R3HDM4: variants seen among roughly 807,000 people sequenced by gnomAD.
The protein encoded by R3HDM4 is R3H domain-containing protein 4.
R3HDM4 carries 30 observed loss-of-function variants against 31.3 expected under a neutral mutation model. That is an observed-to-expected ratio of 0.96 (90% CI 0.72 to 1.30). R3HDM4 has a LOEUF of 1.30. Ranked by LOEUF, R3HDM4 falls within the 50% of genes most tolerant of loss-of-function variation. The probability of loss-of-function intolerance (pLI) is 0.00; values close to 1 mark genes in which losing one functional copy is unlikely to be tolerated. For synonymous variants in R3HDM4, 196 were observed against 156.6 expected, an observed-to-expected ratio of 1.25 and a Z score of -1.88; for missense variants, 444 against 366.1, an observed-to-expected ratio of 1.21 and a Z score of -1.74.
chr19:904,080 C>G (rs932093896), intron 1 of R3HDM4, among the ~76,000 whole-genome samples: 2 of 152,094 alleles, frequency 1.3e-5, no homozygotes, highest in African/African-American at 2.4e-5. Flanking sequence ...AACCGTAATG[C>G]TAGCTCCACT....
intron 1 of R3HDM4, among the ~76,000 whole-genome samples, chr19:910,269 G>A (rs1301911451): frequency 1.3e-5 from 2 of 151,898 alleles, no homozygotes; most frequent in Admixed American, 6.6e-5. Flanking sequence ...AGGTTGCAGT[G>A]AGCCGAGATC....
In R3HDM4 at chr19:899,698, G is replaced by C. The variant is rs749428826; in HGVS notation, c.562-12C>G. ...GTCTCCAGCGTTTCCTGGGGAGAGC[G>C]GCCCGGTGGTCAGGGAACTGCGGGA... On this transcript the variant is annotated splice_polypyrimidine_tract_variant and intron_variant, in intron 5 of 7. Coordinates refer to ENST00000361574, the MANE Select transcript of R3HDM4 (RefSeq NM_138774.4). The surrounding 1 kb of genome is among the most constrained non-coding windows in gnomAD (Gnocchi z 6.8). 5.1e-6 allele frequency: 8 copies of C among 1,558,784 alleles called. No individual in the cohort carries two copies. In the African/African-American group the frequency reaches 6.9e-5, roughly 13 times the overall value.
At chr19:905,079 G>GCA (rs2036885332) in intron 1 of R3HDM4, among the ~76,000 whole-genome samples, 1 of 152,094 alleles carries the variant, frequency 6.6e-6, no homozygotes, top group African/African-American at 2.4e-5. Flanking sequence ...GTGGTGGCAT[G>GCA]CACCTGTAAT....
Position 900,041 on chromosome 19 carries a change from C to A in R3HDM4, c.561+20G>T, listed in dbSNP as rs754211163. On this transcript the variant is annotated intron_variant, in intron 5 of 7. Transcript: ENST00000361574. Reference sequence around the variant, plus strand: ...AGACCAGGCAGGTAGAAAAGGGAGGCCCGGCAATCCCCCACTCACCATGGG... The same window carrying A: ...AGACCAGGCAGGTAGAAAAGGGAGGACCGGCAATCCCCCACTCACCATGGG... 1.7e-5 allele frequency: 27 copies of A among 1,609,800 alleles called. No individual in the cohort carries two copies. The South Asian group carries it at 2.3e-4, about 14-fold the overall frequency.
intron 1 of R3HDM4, among the ~76,000 whole-genome samples, chr19:909,723 G>A (rs979283287): frequency 1.2e-4 from 18 of 152,068 alleles, no homozygotes; most frequent in African/African-American, 4.3e-4. Context: ...TTGAACCTGG[G>A]AGGCAAAGGT....
chr19:900,355 C>T (rs1196413051), intron 4 of R3HDM4, among the ~76,000 whole-genome samples: 10 of 151,934 alleles, frequency 6.6e-5, no homozygotes, highest in Admixed American at 6.6e-4. Flanking sequence ...CCAGCTGACC[C>T]TACCCTCACC....
At chr19:901,153 G>C (rs111766511) in intron 3 of R3HDM4, 12 of 710,292 alleles carry the variant, frequency 1.7e-5, no homozygotes, top group South Asian at 4.0e-5. Flanking sequence ...AGCTGTCTCG[G>C]GGTGGGGGGG....
At position 901,542 on chromosome 19, in the gene R3HDM4, C is replaced by G. The variant is rs772940651; in HGVS notation, c.231G>C (p.Gln77His). 2.5e-6 allele frequency: 4 copies of G among 1,604,706 alleles called. No individual in the cohort carries two copies. In the South Asian group the frequency reaches 4.4e-5, roughly 18 times the overall value. Residue 77 changes from glutamine (Q) to histidine (H), a missense_variant, in exon 3 of 8, where the codon CAG (glutamine) becomes CAC (histidine). Coordinates refer to ENST00000361574, the MANE Select transcript of R3HDM4 (RefSeq NM_138774.4). ...CTGTCTCCAGCAGGGTCAGGAGGTA[C>G]TGGGCTAGGTGGAAACAGATGCTCT... ...RKSLQRLENT[Q>H]YLLTLLETDG...
intron 7 of R3HDM4, among the ~76,000 whole-genome samples, chr19:898,218 C>A (rs1403650984): frequency 1.2e-5 from 1 of 86,640 alleles, no homozygotes. Context: ...CCTGTCTCTA[C>A]TAAAAAAAAA....
intron 1 of R3HDM4, among the ~76,000 whole-genome samples, chr19:910,634 A>G (rs1219854827): frequency 6.6e-6 from 1 of 151,894 alleles, no homozygotes; most frequent in Admixed American, 6.6e-5. Flanking sequence ...ACAAAAAAAA[A>G]GCATCCTCTG....
chr19:901,053 G>C (rs949816822), intron 3 of R3HDM4, 101 bp from the exon 4 acceptor site: 6 of 1,390,110 alleles, frequency 4.3e-6, no homozygotes, highest in Non-Finnish European at 5.8e-6. Flanking sequence ...ACGTGGACGC[G>C]CTCCTGCGGT....
At position 902,078 on chromosome 19, in the gene R3HDM4, A is replaced by G; in HGVS notation, c.124T>C (p.Ser42Pro). ...ALASSQVKRL[S>P]ASRRKQHFIN... is the part of the protein sequence containing the mutation. ...AAGTGCTGTTTCCGCCTGGAAGCCG[A>G]GAGTCTCTTCACCTGGGAGCTGGCT... Residue 42 changes from serine to proline, a missense_variant, in exon 2 of 8, where the codon TCG (serine) becomes CCG (proline). Ser to Pro is a moderately conservative substitution (Grantham distance 74). Coordinates refer to ENST00000361574, the MANE Select transcript of R3HDM4 (RefSeq NM_138774.4). 2 of 1,613,800 alleles carry G rather than the reference A, an allele frequency of 1.2e-6. No individual in the cohort carries two copies. The highest frequency in any genetic ancestry group is 1.7e-6 in the Non-Finnish European group (2 of 1,179,978).
At chr19:911,208 G>T (rs560282205) in intron 1 of R3HDM4, among the ~76,000 whole-genome samples, 6 of 152,346 alleles carry the variant, frequency 3.9e-5, no homozygotes, top group Admixed American at 2.6e-4. Flanking sequence ...CACTTTGGGA[G>T]GCCGAGGCAA....
At chr19:906,759 C>G (rs953543280) in intron 1 of R3HDM4, among the ~76,000 whole-genome samples, 3 of 152,038 alleles carry the variant, frequency 2.0e-5, no homozygotes, top group African/African-American at 4.8e-5. Flanking sequence ...GTGCTGTCCC[C>G]GGGGAGGCAA....
In R3HDM4 at chr19:907,821, C is replaced by T. The variant is rs8107775; in HGVS notation, c.71+5266G>A. On this transcript the variant is annotated intron_variant, in intron 1 of 7. Transcript: ENST00000361574. The surrounding 1 kb of genome is among the most constrained non-coding windows in gnomAD (Gnocchi z 4.1). ...TTGTTTGGTATCTGAGGGCTCGCCA[C>T]CCTCCCCTGGGTCTCTAGTGCTGAG... 0.099 allele frequency among the ~76,000 whole-genome samples: 15,092 copies of T among 152,192 alleles called. 943 individuals are homozygous for T. Among genetic ancestry groups the T allele is most frequent in the South Asian group, 0.19 (921 of 4,830 alleles).
chr19:901,344 G>A (rs918207989), intron 3 of R3HDM4, 78 bp downstream of exon 3: 10 of 1,477,400 alleles, frequency 6.8e-6, no homozygotes, highest in Admixed American at 3.9e-5. Context: ...GGCGGGGGAC[G>A]GGCACAGGCG....
Position 899,473 on chromosome 19 carries a change from C to T in R3HDM4, c.670G>A (p.Ala224Thr), listed in dbSNP as rs753960619. Reference protein sequence around the residue: ...DNSFERLLLHAVCQYMDLISA... With the variant: ...DNSFERLLLHTVCQYMDLISA... ...ATGAGGTCCATGTACTGGCAGACAGCGTGCAGCAGAAGCCTCTCGAAGCTG... is the reference window on the plus strand; with the variant it reads ...ATGAGGTCCATGTACTGGCAGACAGTGTGCAGCAGAAGCCTCTCGAAGCTG... The change falls in exon 7 of 8, where the codon GCT becomes ACT. Residue 224 changes from alanine to threonine, a missense_variant. By Grantham distance (58) the Ala-to-Thr change is moderately conservative. Coordinates refer to ENST00000361574, the MANE Select transcript of R3HDM4 (RefSeq NM_138774.4). The surrounding 1 kb of genome is among the most constrained non-coding windows in gnomAD (Gnocchi z 6.8). The T allele has an allele frequency of 4.3e-6, 7 of 1,613,546 alleles. No individual in the cohort carries two copies. Among genetic ancestry groups the T allele is most frequent in the African/African-American group, 1.3e-5 (1 of 74,936 alleles).
chr19:911,363 G>C (rs1158981296), intron 1 of R3HDM4, among the ~76,000 whole-genome samples: 1 of 152,198 alleles, frequency 6.6e-6, no homozygotes, highest in Non-Finnish European at 1.5e-5. Flanking sequence ...AGAATCGCTT[G>C]AACCCAGGAG....
At chr19:909,286 C>T (rs2036942942) in intron 1 of R3HDM4, among the ~76,000 whole-genome samples, 1 of 152,194 alleles carries the variant, frequency 6.6e-6, no homozygotes, top group Admixed American at 6.5e-5. Flanking sequence ...CAGGAACCCA[C>T]TAGAGACAGC....
Sources: allele counts gnomAD v4.1 joint callset (sites outside exome capture counted in the v4.1 genomes callset), GRCh38; gene constraint gnomAD v4.1.1; non-coding constraint Gnocchi (gnomAD v3.1); transcripts MANE v1.5; gene names NCBI Gene and HGNC (gene_info 2026-07-23, HGNC 2026-07-21).